The following IPO4 variants were observed in gnomAD, a reference collection of about 807,000 sequenced individuals.
IPO4 encodes the protein importin-4.
A neutral mutation model predicts 133.5 loss-of-function variants in IPO4; 91 were observed. That is an observed-to-expected ratio of 0.68 (90% CI 0.58 to 0.81). The LOEUF is 0.81. Among genes scored for constraint, IPO4 ranks in the 30% least tolerant of loss-of-function variants. IPO4 has a pLI of 0.00. For synonymous variants in IPO4, 607 were observed against 581.6 expected (o/e 1.04, Z -0.63); for missense variants, 1,279 against 1,386.2 (o/e 0.92, Z 1.23).
chr14:24,183,076 G>C lies in IPO4; in HGVS notation c.2321C>G (p.Ala774Gly). The C allele has an allele frequency of 1.7e-5, 27 of 1,613,854 alleles. No individual in the cohort carries two copies. Among genetic ancestry groups the C allele is most frequent in the Non-Finnish European group, 2.3e-5 (27 of 1,180,024 alleles). ...ACAGCTGCGGAGCACCCCTGTCAGGGCCTCCAGCACGGCCATCACCACCTG... is the reference window on the plus strand; with the variant it reads ...ACAGCTGCGGAGCACCCCTGTCAGGCCCTCCAGCACGGCCATCACCACCTG... Reference protein sequence around the residue: ...ERQVVMAVLEALTGVLRSCGT... With the variant: ...ERQVVMAVLEGLTGVLRSCGT... Residue 774 changes from alanine (A) to glycine (G), a missense_variant, in exon 23 of 30, where the codon GCC becomes GGC. Ala to Gly is a moderately conservative substitution (Grantham distance 60). Coordinates refer to ENST00000354464, the MANE Select transcript of IPO4 (RefSeq NM_024658.4).
chr14:24,186,672 G>C, intron 9 of IPO4, 36 bp downstream of exon 9: 1 of 1,561,764 alleles, frequency 6.4e-7, no homozygotes. Context: ...GTGGAGATGG[G>C]GGTGGGGTGA....
intron 29 of IPO4, 55 bp from the exon 30 acceptor site, chr14:24,180,627 G>C: frequency 6.2e-7 from 1 of 1,612,390 alleles, no homozygotes; most frequent in East Asian, 2.2e-5. Flanking sequence ...GCTGCCCCAG[G>C]CTCTCTGAGC....
Position 24,182,182 on chromosome 14 carries a change from AAGG to A in IPO4, c.2599-22_2599-20del, listed in dbSNP as rs2039148933. ...CCTGTTTCTGATGGGGGAGAACAGG[AAGG>A]AGTACAGATCAGCCTGGGCCAAGGA... On this transcript the variant is annotated intron_variant, in intron 25 of 29. Transcript: ENST00000354464. 6.2e-7 allele frequency: 1 copy of A among 1,614,024 alleles called. No homozygotes were observed. The highest frequency in any genetic ancestry group is 1.7e-5 in the Admixed American group (1 of 60,028).
At chr14:24,186,836 C>G in intron 8 of IPO4, 42 bp downstream of exon 8, 1 of 1,612,462 alleles carries the variant, frequency 6.2e-7, no homozygotes, top group Non-Finnish European at 8.5e-7. Flanking sequence ...AGGAGAGTCC[C>G]AGCAGAGCAT....
At position 24,183,170 on chromosome 14, in the gene IPO4, C is replaced by G. The variant is rs1231673166; in HGVS notation, c.2228-1G>C. 2 of 1,611,040 alleles carry G rather than the reference C, an allele frequency of 1.2e-6. No individual in the cohort carries two copies. The highest frequency in any genetic ancestry group is 1.7e-6 in the Non-Finnish European group (2 of 1,177,802). On this transcript the variant is annotated splice_acceptor_variant, in intron 22 of 29. Coordinates refer to ENST00000354464, the MANE Select transcript of IPO4 (RefSeq NM_024658.4). LOFTEE classifies it high-confidence loss of function. ...ACTCGGGCCAGGGCAGCCTGCAAAG[C>G]TGGGGACATTATTGGCTGAAGCACC...
At position 24,183,007 on chromosome 14, in the gene IPO4, C is replaced by CA; in HGVS notation, c.2389dup (p.Cys797LeufsTer18). The CA allele has an allele frequency of 6.2e-7, 1 of 1,613,728 alleles. No homozygotes were observed. The highest frequency in any genetic ancestry group is 8.5e-7 in the Non-Finnish European group (1 of 1,179,872). ...CTGCAGCACAGCCTTGAGCACGCCACAGAGCTCAGCGAGGCGCCCAGGGGG... is the reference window on the plus strand; with the variant it reads ...CTGCAGCACAGCCTTGAGCACGCCACAAGAGCTCAGCGAGGCGCCCAGGGGG... On this transcript the variant is annotated frameshift_variant, in exon 23 of 30. Coordinates refer to ENST00000354464, the MANE Select transcript of IPO4 (RefSeq NM_024658.4). LOFTEE classifies it high-confidence loss of function.
At chr14:24,184,451 G>A (rs546882621) in intron 16 of IPO4, 33 bp from the exon 17 acceptor site, 1 of 1,592,662 alleles carries the variant, frequency 6.3e-7, no homozygotes, top group Non-Finnish European at 8.6e-7. Context: ...AGCACCAGGA[G>A]GTGGAGGTGG....
At position 24,183,652 on chromosome 14, in the gene IPO4, A is replaced by G. The variant is rs2039175060; in HGVS notation, c.2001T>C (p.Asn667=). 1 of 1,614,118 alleles carries G rather than the reference A, an allele frequency of 6.2e-7. No homozygotes were observed. Among genetic ancestry groups the G allele is most frequent in the Non-Finnish European group, 8.5e-7 (1 of 1,180,004 alleles). Residue 667 remains asparagine (N), a synonymous_variant, in exon 20 of 30, where the codon AAT becomes AAC. Transcript: ENST00000354464. Reference sequence around the variant, plus strand: ...TGTCTTCCTTCTCATCGAAGAAGGCATTCTCCACGCTGTACCTAGAGTAAG... The same window carrying G: ...TGTCTTCCTTCTCATCGAAGAAGGCGTTCTCCACGCTGTACCTAGAGTAAG... The part of the protein sequence containing the change: ...DSEISGYSVE[N]AFFDEKEDTC...
chr14:24,182,020 C>T lies in IPO4; in HGVS notation c.2742G>A (p.Glu914=). The T allele has an allele frequency of 6.2e-7, 1 of 1,613,396 alleles. No homozygotes were observed. Among genetic ancestry groups the T allele is most frequent in the Non-Finnish European group, 8.5e-7 (1 of 1,180,030 alleles). The change falls in exon 26 of 30, where the codon GAG becomes GAA. Residue 914 remains glutamate, a synonymous_variant. Transcript: ENST00000354464. ...TCCCGAAGATGGCATTGCTTCGCAC[C>T]TCGGGGTCTGCCTCTTGGGCGGTGC... ...LLSTAQEADP[E]VRSNAIFGMG...
chr14:24,180,261 T>C lies in IPO4; in HGVS notation c.*181A>G, dbSNP rs1183617899. On this transcript the variant is annotated 3_prime_UTR_variant, in exon 30 of 30. Transcript: ENST00000354464. Reference sequence around the variant, plus strand: ...ACAAGCTGCTTTTATTACAGTATGATGTCATGACTCATTTGTAACAGATCC... The same window carrying C: ...ACAAGCTGCTTTTATTACAGTATGACGTCATGACTCATTTGTAACAGATCC... The C allele has an allele frequency of 1.3e-6, 2 of 1,546,712 alleles. No homozygotes were observed. The highest frequency in any genetic ancestry group is 1.7e-6 in the Non-Finnish European group (2 of 1,143,000).
At chr14:24,185,074 C>T (rs2039200061) in intron 14 of IPO4, 94 bp from the exon 15 acceptor site, 2 of 1,589,116 alleles carry the variant, frequency 1.3e-6, no homozygotes, top group Non-Finnish European at 1.7e-6. Context: ...GGCACCATCA[C>T]ACCCTTTCCC....
In IPO4 at chr14:24,187,506, A is replaced by C. The variant is rs372380055; in HGVS notation, c.482T>G (p.Leu161Arg). 4 of 1,614,076 alleles carry C rather than the reference A, an allele frequency of 2.5e-6. No individual in the cohort carries two copies. In the African/African-American group the frequency reaches 4.0e-5, roughly 16 times the overall value. Residue 161 changes from leucine to arginine, a missense_variant, in exon 6 of 30, where the codon CTT becomes CGT. Around this residue, in one of 3 missense-constraint regions of IPO4, gnomAD observed 695 missense variants for 704.1 expected, o/e 0.99. Transcript: ENST00000354464. ...EAFQPHHREL[L>R]RLLNETLGEV... ...ACCAAGAGTCTCATTCAGAAGCCGAAGAAGCTCCCGGTGGTGGGGTTGGAA... is the reference window on the plus strand; with the variant it reads ...ACCAAGAGTCTCATTCAGAAGCCGACGAAGCTCCCGGTGGTGGGGTTGGAA...
chr14:24,186,845 A>C, intron 8 of IPO4, 33 bp downstream of exon 8: 1 of 1,610,610 alleles, frequency 6.2e-7, no homozygotes, highest in Non-Finnish European at 8.5e-7. Context: ...CCAGCAGAGC[A>C]TGTAGCAGGG....
Position 24,186,301 on chromosome 14 carries a change from G to C in IPO4, c.991C>G (p.His331Asp). The part of the protein sequence containing the change: ...EIELMGETPK[H>D]FAVQVVDMLA... Reference sequence around the variant, plus strand: ...CCACATCTCACTTGTACAGCGAAATGCTTGGGAGTCTCCCCCATCAGCTCA... The same window carrying C: ...CCACATCTCACTTGTACAGCGAAATCCTTGGGAGTCTCCCCCATCAGCTCA... The change falls in exon 10 of 30, where the codon CAT (histidine) becomes GAT (aspartate). Residue 331 changes from histidine (H) to aspartate (D), a missense_variant. Coordinates refer to ENST00000354464, the MANE Select transcript of IPO4 (RefSeq NM_024658.4). 6.2e-7 allele frequency: 1 copy of C among 1,607,798 alleles called. No individual in the cohort carries two copies. The highest frequency in any genetic ancestry group is 8.5e-7 in the Non-Finnish European group (1 of 1,176,078).
intron 11 of IPO4, 40 bp from the exon 12 acceptor site, chr14:24,186,010 A>G: frequency 1.9e-6 from 3 of 1,603,506 alleles, no homozygotes; most frequent in Non-Finnish European, 2.6e-6. Flanking sequence ...CCCCAGCAAG[A>G]GCCTGCCCAT....
At chr14:24,187,050 T>C (rs373699754) in intron 7 of IPO4, 35 bp downstream of exon 7, 8 of 1,612,504 alleles carry the variant, frequency 5.0e-6, no homozygotes, top group African/African-American at 2.7e-5. Flanking sequence ...TTCTGCACTC[T>C]CCTTCCAACA....
chr14:24,180,223 G>C lies in IPO4; in HGVS notation c.*219C>G. 6.3e-7 allele frequency: 1 copy of C among 1,592,176 alleles called. No homozygotes were observed. Among genetic ancestry groups the C allele is most frequent in the Non-Finnish European group, 8.6e-7 (1 of 1,167,614 alleles). ...CAGCCTTCTTGCTCTCAGAGCTATT[G>C]TTCAAGCAGAAAACAAGCTGCTTTT... On this transcript the variant is annotated 3_prime_UTR_variant, in exon 30 of 30. Transcript: ENST00000354464.
chr14:24,182,624 C>T, intron 24 of IPO4, 168 bp downstream of exon 24: 1 of 959,464 alleles, frequency 1.0e-6, no homozygotes. Context: ...GCTCTCCTTC[C>T]CTGAACTCCC....
Position 24,183,487 on chromosome 14 carries a change from C to T in IPO4, c.2090G>A (p.Ser697Asn), listed in dbSNP as rs1319782949. The T allele has an allele frequency of 6.2e-7, 1 of 1,613,702 alleles. No homozygotes were observed. The highest frequency in any genetic ancestry group is 1.1e-5 in the South Asian group (1 of 91,004). ...TSVAFLPYME[S>N]VFEEVFKLLE... ...CAGTTTAAATACTTCTTCAAAGACA[C>T]TTTCCATGTATGGAAGGAAGGCCAC... is the stretch of plus-strand genomic sequence containing the variant. The change falls in exon 21 of 30, where the codon AGT becomes AAT. Residue 697 changes from serine (S) to asparagine (N), a missense_variant. Physicochemically the swap from Ser to Asn is conservative, Grantham distance 46 (BLOSUM62 1). This residue lies in a region of IPO4 where 575 missense variants were observed against 653.4 expected (regional missense o/e 0.88). Transcript: ENST00000354464.
Sources: gnomAD v4.1 joint callset for allele counts on GRCh38, gnomAD v4.1.1 for gene constraint, gnomAD v4.1.1 regional missense constraint, MANE v1.5 for transcripts, NCBI Gene and HGNC (gene_info 2026-07-23, HGNC 2026-07-21) for gene names.